ARFGEF3: variants seen among roughly 807,000 people sequenced by gnomAD.
ARFGEF3 encodes brefeldin A-inhibited guanine nucleotide-exchange protein 3.
Under a neutral mutation model 221.7 loss-of-function variants are expected in ARFGEF3, and 96 were observed. The observed-to-expected ratio is 0.43, with a 90% CI of 0.37 to 0.51. The LOEUF is 0.51. Among genes scored for constraint, ARFGEF3 ranks in the 20% least tolerant of loss-of-function variants. ARFGEF3 has a pLI of 0.00. For synonymous variants in ARFGEF3, 1,145 were observed against 1,126.8 expected (o/e 1.02, Z -0.32); for missense variants, 2,410 against 2,789.9 (o/e 0.86, Z 3.07).
At chr6:138,207,202 T>C in intron 3 of ARFGEF3, 79 bp downstream of exon 3, 1 of 1,033,614 alleles carries the variant, frequency 9.7e-7, no homozygotes, top group South Asian at 1.4e-5. Context: ...TAGTTAACAT[T>C]TTAAATACTG....
chr6:138,299,534 T>C (rs1204817177), intron 22 of ARFGEF3, among the ~76,000 whole-genome samples: 1 of 152,004 alleles, frequency 6.6e-6, no homozygotes, highest in Non-Finnish European at 1.5e-5. Context: ...ACCAAAAACG[T>C]TGAATAGAGG....
chr6:138,280,342 T>A (rs1433289411), intron 14 of ARFGEF3, among the ~76,000 whole-genome samples, 178 bp downstream of exon 14: 1 of 152,208 alleles, frequency 6.6e-6, no homozygotes, highest in Admixed American at 6.5e-5. Context: ...ACAGGAGTTT[T>A]CTGTCCCTTT....
chr6:138,226,678 G>A (rs190625563), intron 4 of ARFGEF3, among the ~76,000 whole-genome samples: 30 of 152,294 alleles, frequency 2.0e-4, no homozygotes, highest in African/African-American at 5.5e-4. Flanking sequence ...TGGGGCCAGC[G>A]TGCTCAGAAT....
chr6:138,219,873 A>G (rs112270160), intron 4 of ARFGEF3, among the ~76,000 whole-genome samples: 16 of 152,348 alleles, frequency 1.1e-4, no homozygotes, highest in African/African-American at 3.6e-4. Flanking sequence ...TGGGCATTCC[A>G]AAAGAGAAAA....
Position 138,236,968 on chromosome 6 carries a change from T to C in ARFGEF3, c.421-1541T>C, listed in dbSNP as rs1033172024. Among the ~76,000 whole-genome samples the C allele has an allele frequency of 2.6e-5, 4 of 150,950 alleles. No homozygotes were observed. In the East Asian group the frequency reaches 7.8e-4, roughly 29 times the overall value. ...AACTTTCAAATGTAGGTTTGGGAGT[T>C]GTTGGGTTTTGTCGAGGTTGAGAAG... On this transcript the variant is annotated intron_variant, in intron 5 of 33. Transcript: ENST00000251691.
At chr6:138,312,680 G>T (rs1347724584) in intron 25 of ARFGEF3, among the ~76,000 whole-genome samples, 3 of 152,142 alleles carry the variant, frequency 2.0e-5, no homozygotes, top group Admixed American at 6.5e-5. Context: ...CAGGGCTAAA[G>T]GATCTGCCAA....
chr6:138,302,064 A>AT (rs1779638174), intron 22 of ARFGEF3, among the ~76,000 whole-genome samples: 1 of 152,172 alleles, frequency 6.6e-6, no homozygotes, highest in Admixed American at 6.5e-5. Flanking sequence ...TCTAATTCTC[A>AT]AAAATATGAG....
chr6:138,316,671 C>CT (rs113936004), intron 26 of ARFGEF3, among the ~76,000 whole-genome samples: 7,668 of 152,154 alleles, frequency 0.05, 213 homozygotes, highest in African/African-American at 0.07. Flanking sequence ...ACTATCACAC[C>CT]CAAAATCAAT....
chr6:138,181,633 C>T (rs772372558), intron 2 of ARFGEF3, among the ~76,000 whole-genome samples: 7 of 152,012 alleles, frequency 4.6e-5, no homozygotes, highest in African/African-American at 9.7e-5. Context: ...TAGTAGAGAC[C>T]GGGTTTTACC....
chr6:138,261,699 T>A (rs1471338751), intron 11 of ARFGEF3, 60 bp downstream of exon 11: 1 of 931,500 alleles, frequency 1.1e-6, no homozygotes, highest in African/African-American at 1.7e-5. Context: ...CTTTTAACCT[T>A]GCTTACAAGT....
intron 20 of ARFGEF3, 75 bp from the exon 21 acceptor site, chr6:138,296,735 T>C (rs1779529895): frequency 6.5e-7 from 1 of 1,541,536 alleles, no homozygotes; most frequent in Non-Finnish European, 8.8e-7. Context: ...ATTTTCAACC[T>C]CTCTCTTTGC....
At chr6:138,307,031 GAT>G (rs950607622) in intron 22 of ARFGEF3, among the ~76,000 whole-genome samples, 3 of 150,828 alleles carry the variant, frequency 2.0e-5, no homozygotes, top group Non-Finnish European at 4.4e-5. Flanking sequence ...TGGCTAATAA[GAT>G]GTGAAAAGTT....
chr6:138,283,960 A>G (rs183278294), intron 14 of ARFGEF3, among the ~76,000 whole-genome samples: 70 of 152,288 alleles, frequency 4.6e-4, no homozygotes, highest in African/African-American at 1.7e-3. Flanking sequence ...GTGGAACACC[A>G]TGCAAATAAG....
intron 22 of ARFGEF3, among the ~76,000 whole-genome samples, chr6:138,301,248 T>C (rs1210183773): frequency 6.6e-6 from 1 of 152,154 alleles, no homozygotes; most frequent in Non-Finnish European, 1.5e-5. Flanking sequence ...GGTCTGGAAA[T>C]TGACCAAAAG....
chr6:138,185,524 C>A (rs1777166122), intron 2 of ARFGEF3, among the ~76,000 whole-genome samples: 1 of 152,192 alleles, frequency 6.6e-6, no homozygotes, highest in South Asian at 2.1e-4. Flanking sequence ...TGGTAGGATT[C>A]TTTTCTTCAT....
chr6:138,163,077 A>G (rs1776650432), intron 1 of ARFGEF3, among the ~76,000 whole-genome samples: 1 of 152,154 alleles, frequency 6.6e-6, no homozygotes, highest in African/African-American at 2.4e-5. Flanking sequence ...ACCAAGAACC[A>G]TCACTGTCTG....
intron 2 of ARFGEF3, among the ~76,000 whole-genome samples, chr6:138,192,042 G>T (rs528271352): frequency 1.3e-5 from 2 of 152,160 alleles, no homozygotes; most frequent in Non-Finnish European, 2.9e-5. Flanking sequence ...CCTAGGTGAG[G>T]CAGGACCCTG....
chr6:138,275,214 C>G (rs1779075427), intron 12 of ARFGEF3, among the ~76,000 whole-genome samples: 1 of 152,172 alleles, frequency 6.6e-6, no homozygotes, highest in Middle Eastern at 3.2e-3. Context: ...GAGGCAACAT[C>G]AAAATTTCTG....
At chr6:138,242,510 T>G (rs921079557) in intron 6 of ARFGEF3, among the ~76,000 whole-genome samples, 1 of 152,158 alleles carries the variant, frequency 6.6e-6, no homozygotes, top group Non-Finnish European at 1.5e-5. Context: ...ATCCTTCTTA[T>G]GGCCAAGAGT....
Sources: allele counts gnomAD v4.1 joint callset (sites outside exome capture counted in the v4.1 genomes callset), GRCh38; gene constraint gnomAD v4.1.1; transcripts MANE v1.5; gene names NCBI Gene and HGNC (gene_info 2026-07-23, HGNC 2026-07-21).